The following FBXL7 variants were observed in gnomAD, a reference collection of about 807,000 sequenced individuals.
FBXL7 encodes F-box and leucine rich repeat protein 7, also known as F-box/LRR-repeat protein 7.
Under a neutral mutation model 38.3 loss-of-function variants are expected in FBXL7, and 12 were observed. The ratio of observed to expected loss-of-function variants is 0.31; its 90% CI spans 0.20 to 0.51. FBXL7 has a LOEUF of 0.51. Among genes scored for constraint, FBXL7 ranks in the 20% least tolerant of loss-of-function variants. The pLI is 0.98. For synonymous variants in FBXL7, 297 were observed against 300.9 expected (o/e 0.99, Z 0.13); for missense variants, 567 against 676.4 (o/e 0.84, Z 1.79).
At position 15,887,095 on chromosome 5, in the gene FBXL7, A is replaced by T. The variant is rs541348241; in HGVS notation, c.128-40795A>T. On this transcript the variant is annotated intron_variant, in intron 2 of 3. Transcript: ENST00000504595. Reference sequence around the variant, plus strand: ...ATAAATGTGTATCTCCCATAATTTTAAAAAAATCGTTTATATATGGGATGA... The same window carrying T: ...ATAAATGTGTATCTCCCATAATTTTTAAAAAATCGTTTATATATGGGATGA... Among the ~76,000 whole-genome samples the T allele has an allele frequency of 3.3e-5, 5 of 152,242 alleles. No homozygotes were observed. In the East Asian group the frequency reaches 9.7e-4, roughly 29 times the overall value.
chr5:15,540,892 C>T (rs1334432505), intron 1 of FBXL7, among the ~76,000 whole-genome samples: 2 of 152,144 alleles, frequency 1.3e-5, no homozygotes, highest in Non-Finnish European at 2.9e-5. Flanking sequence ...ACCCCATCTC[C>T]TGATAGTATC....
At chr5:15,863,984 C>T (rs116362272) in intron 2 of FBXL7, among the ~76,000 whole-genome samples, 2,525 of 152,094 alleles carry the variant, frequency 0.017, 27 homozygotes, top group Non-Finnish European at 0.028. Context: ...ACTAGAGTTA[C>T]GGATGGGTAT....
At chr5:15,667,077 T>G (rs552958273) in intron 2 of FBXL7, among the ~76,000 whole-genome samples, 1 of 152,318 alleles carries the variant, frequency 6.6e-6, no homozygotes, top group South Asian at 2.1e-4. Context: ...AGAAACTTTA[T>G]GGGGATATAT....
At chr5:15,828,427 T>C (rs1296729608) in intron 2 of FBXL7, among the ~76,000 whole-genome samples, 3 of 152,228 alleles carry the variant, frequency 2.0e-5, no homozygotes, top group Non-Finnish European at 4.4e-5. Context: ...TCACTGAGTG[T>C]CTTGTATTTA....
At chr5:15,917,292 G>A (rs1367860989) in intron 2 of FBXL7, among the ~76,000 whole-genome samples, 1 of 151,950 alleles carries the variant, frequency 6.6e-6, no homozygotes, top group East Asian at 1.9e-4. Context: ...AGTTTTACTT[G>A]GAAAACCAGT....
rs1739889080 is a variant in FBXL7 at position 15,870,099 on chromosome 5, G to C, written c.128-57791G>C. Among the ~76,000 whole-genome samples the C allele has an allele frequency of 1.3e-5, 2 of 152,072 alleles. 1 individual carries two copies. The highest frequency in any genetic ancestry group is 4.1e-4 in the South Asian group (2 of 4,822). The stretch of plus-strand genomic sequence containing the variant: ...TACTCCAGGATGGGTGACAGAGTGA[G>C]ACCCTCTGTCAATAATAACAATAAT... On this transcript the variant is annotated intron_variant, in intron 2 of 3. Coordinates refer to ENST00000504595, the MANE Select transcript of FBXL7 (RefSeq NM_012304.5).
chr5:15,733,933 C>A (rs1256703004), intron 2 of FBXL7, among the ~76,000 whole-genome samples: 1 of 152,042 alleles, frequency 6.6e-6, no homozygotes. Flanking sequence ...ATGGTGAAAC[C>A]CCGTCTCTAC....
intron 3 of FBXL7, among the ~76,000 whole-genome samples, chr5:15,930,066 T>C (rs1479277812): frequency 6.6e-6 from 1 of 152,240 alleles, no homozygotes; most frequent in Non-Finnish European, 1.5e-5. Context: ...TTGCAGATTC[T>C]TTCCCGTGCT....
chr5:15,874,955 A>T (rs1286595246), intron 2 of FBXL7, among the ~76,000 whole-genome samples: 2 of 152,362 alleles, frequency 1.3e-5, no homozygotes, highest in East Asian at 3.9e-4. Flanking sequence ...CATATAGCCA[A>T]GAAAATCCTA....
rs1736310231 is a variant in FBXL7 at position 15,756,819 on chromosome 5, C to CA, written c.127+140747_127+140748insA. On this transcript the variant is annotated intron_variant, in intron 2 of 3. Transcript: ENST00000504595. ...AAAGTTTTCATGGATCCAAGCTATT[C>CA]TTAAGCATTGTTTAATACTAGAAAT... Among the ~76,000 whole-genome samples the CA allele has an allele frequency of 2.6e-5, 4 of 152,230 alleles. No individual in the cohort carries two copies. In the South Asian group the frequency reaches 8.3e-4, roughly 32 times the overall value.
intron 1 of FBXL7, among the ~76,000 whole-genome samples, chr5:15,577,502 C>A (rs545083191): frequency 7.7e-4 from 117 of 152,146 alleles, no homozygotes; most frequent in African/African-American, 2.7e-3. Context: ...GGGATATGTT[C>A]TGGGGGACAC....
At chr5:15,586,143 G>A (rs1231013177) in intron 1 of FBXL7, among the ~76,000 whole-genome samples, 1 of 152,078 alleles carries the variant, frequency 6.6e-6, no homozygotes, top group Non-Finnish European at 1.5e-5. Flanking sequence ...CAGAATCTGG[G>A]GGGTATTAAG....
intron 2 of FBXL7, among the ~76,000 whole-genome samples, chr5:15,878,422 C>T (rs1222570578): frequency 6.6e-6 from 1 of 152,164 alleles, no homozygotes; most frequent in African/African-American, 2.4e-5. Flanking sequence ...AGTCTCTCTC[C>T]ATGTTCTCCA....
chr5:15,933,185 G>A (rs1342648094), intron 3 of FBXL7, among the ~76,000 whole-genome samples: 3 of 151,872 alleles, frequency 2.0e-5, no homozygotes, highest in African/African-American at 4.8e-5. Context: ...TAAGAGTTTG[G>A]GCAAAACCTA....
intron 2 of FBXL7, among the ~76,000 whole-genome samples, chr5:15,890,642 G>A (rs1461411965): frequency 6.6e-6 from 1 of 152,114 alleles, no homozygotes; most frequent in Non-Finnish European, 1.5e-5. Flanking sequence ...GATGATCTGA[G>A]ATGGAAAAGT....
chr5:15,785,075 T>C (rs1287691307), intron 2 of FBXL7, among the ~76,000 whole-genome samples: 1 of 152,208 alleles, frequency 6.6e-6, no homozygotes. Flanking sequence ...AACTTCTGTC[T>C]AACTAGCACG....
chr5:15,810,729 A>G (rs529290468), intron 2 of FBXL7, among the ~76,000 whole-genome samples: 102 of 152,240 alleles, frequency 6.7e-4, no homozygotes, highest in Non-Finnish European at 9.3e-4. Context: ...TTTTTCTTTT[A>G]TAATACTTAC....
At chr5:15,656,399 C>G (rs1341160376) in intron 2 of FBXL7, among the ~76,000 whole-genome samples, 1 of 152,140 alleles carries the variant, frequency 6.6e-6, no homozygotes, top group East Asian at 1.9e-4. Flanking sequence ...CTGGGGAATC[C>G]TCACAATCAT....
chr5:15,845,955 G>C (rs1738889374), intron 2 of FBXL7, among the ~76,000 whole-genome samples: 1 of 152,216 alleles, frequency 6.6e-6, no homozygotes, highest in Non-Finnish European at 1.5e-5. Flanking sequence ...CTGGGCAACA[G>C]AGCGAGACTC....
Sources: allele counts gnomAD v4.1 joint callset (sites outside exome capture counted in the v4.1 genomes callset), GRCh38; gene constraint gnomAD v4.1.1; transcripts MANE v1.5; gene names NCBI Gene and HGNC (gene_info 2026-07-23, HGNC 2026-07-21).